FOXP1: variants seen among roughly 807,000 people sequenced by gnomAD.
FOXP1 encodes forkhead box P1, also known as forkhead box protein P1.
In FOXP1, 15 loss-of-function variants were observed where a neutral mutation model predicts 98.2. That is an observed-to-expected ratio of 0.15 (90% confidence interval 0.10 to 0.24). The LOEUF (loss-of-function observed/expected upper bound fraction) is 0.24, where lower values mean the gene tolerates loss of function less well. Ranked by LOEUF, FOXP1 falls within the 10% of genes least tolerant of loss-of-function variation. FOXP1 has a pLI of 1.00. For synonymous variants in FOXP1, 371 were observed against 314.5 expected (o/e 1.18, Z -1.90); for missense variants, 633 against 848.5 (o/e 0.75, Z 3.15).
chr3:71,324,377 C>T (rs1001585406), intron 4 of FOXP1, among the ~76,000 whole-genome samples: 1 of 152,238 alleles, frequency 6.6e-6, no homozygotes, highest in African/African-American at 2.4e-5. Context: ...AAATGCCCAT[C>T]AATGATAGAC....
At chr3:71,066,308 C>T (rs1466818744) in intron 7 of FOXP1, among the ~76,000 whole-genome samples, 2 of 152,124 alleles carry the variant, frequency 1.3e-5, no homozygotes, top group Non-Finnish European at 2.9e-5. Context: ...GAGACAAGCG[C>T]GAAGTGACCA....
At chr3:71,459,164 A>C (rs1042876127) in intron 3 of FOXP1, among the ~76,000 whole-genome samples, 2 of 152,234 alleles carry the variant, frequency 1.3e-5, no homozygotes, top group African/African-American at 4.8e-5. Context: ...TCAAGGTGCT[A>C]GTAGGAATTA....
At chr3:71,327,625 G>C (rs1043441947) in intron 4 of FOXP1, among the ~76,000 whole-genome samples, 1 of 151,778 alleles carries the variant, frequency 6.6e-6, no homozygotes, top group African/African-American at 2.4e-5. Flanking sequence ...CTGACCTCAT[G>C]ATCTGCCCGC....
At chr3:71,218,483 A>G (rs1189323278) in intron 5 of FOXP1, among the ~76,000 whole-genome samples, 10 of 152,072 alleles carry the variant, frequency 6.6e-5, no homozygotes, top group Admixed American at 6.5e-4. Flanking sequence ...ATTCTTTTTA[A>G]TGAGCATCCC....
chr3:71,121,248 C>T (rs1459930016), intron 6 of FOXP1, among the ~76,000 whole-genome samples: 1 of 151,696 alleles, frequency 6.6e-6, no homozygotes, highest in Non-Finnish European at 1.5e-5. Flanking sequence ...CCAATCAAGC[C>T]CAGGAAGGGG....
intron 3 of FOXP1, among the ~76,000 whole-genome samples, chr3:71,477,206 G>C (rs1296966607): frequency 6.6e-6 from 1 of 152,146 alleles, no homozygotes; most frequent in Non-Finnish European, 1.5e-5. Flanking sequence ...CAATGCTGCA[G>C]GCCTCCCAAC....
intron 6 of FOXP1, among the ~76,000 whole-genome samples, chr3:71,123,727 C>T (rs1430272032): frequency 1.3e-5 from 2 of 152,136 alleles, no homozygotes; most frequent in African/African-American, 4.8e-5. Context: ...TTTTAAGCCA[C>T]TGTAGACTCT....
chr3:71,262,988 T>A (rs949171305), intron 5 of FOXP1, among the ~76,000 whole-genome samples: 2 of 152,138 alleles, frequency 1.3e-5, no homozygotes, highest in African/African-American at 4.8e-5. Context: ...AAGTAAAACA[T>A]GCCCAAAGCA....
rs2036049529 is a variant in FOXP1, at chr3:70,970,730, T to TCTTACCTGTAAAGCTG, written c.1712_1722+5dup. On this transcript the variant is annotated splice_donor_region_variant and intron_variant, in intron 19 of 20. Coordinates refer to ENST00000649528, the MANE Select transcript of FOXP1 (RefSeq NM_001349338.3). ...GCTGCATATTCGGGACGGCCGTTAA[T>TCTTACCTGTAAAGCTG]CTTACCTGTAAAGCTGCATTGAGAG... 1 of 1,611,784 alleles carries TCTTACCTGTAAAGCTG rather than the reference T, an allele frequency of 6.2e-7. No individual in the cohort carries two copies. Among genetic ancestry groups the TCTTACCTGTAAAGCTG allele is most frequent in the South Asian group, 1.1e-5 (1 of 91,052 alleles).
chr3:71,214,859 A>C (rs1320967528), intron 5 of FOXP1, among the ~76,000 whole-genome samples: 1 of 152,196 alleles, frequency 6.6e-6, no homozygotes, highest in Non-Finnish European at 1.5e-5. Context: ...AGACTAGTAC[A>C]AGGGATCTGT....
chr3:71,530,582 T>C (rs1040259442), intron 2 of FOXP1, among the ~76,000 whole-genome samples: 4 of 152,216 alleles, frequency 2.6e-5, no homozygotes, highest in Non-Finnish European at 5.9e-5. Flanking sequence ...AGTTTTTCTA[T>C]TGTTCACTCC....
chr3:71,336,065 A>T (rs1235763796), intron 4 of FOXP1, among the ~76,000 whole-genome samples: 3 of 139,624 alleles, frequency 2.1e-5, no homozygotes, highest in African/African-American at 7.7e-5. Flanking sequence ...AGTCTGAAAC[A>T]TTCTGTCATA....
intron 5 of FOXP1, among the ~76,000 whole-genome samples, chr3:71,238,008 G>A (rs1470866847): frequency 6.6e-6 from 1 of 152,124 alleles, no homozygotes; most frequent in Non-Finnish European, 1.5e-5. Context: ...GTTACTTAAG[G>A]CGCACATTTA....
chr3:71,024,485 AAGGG>A (rs1340000631), intron 11 of FOXP1, among the ~76,000 whole-genome samples: 2 of 152,302 alleles, frequency 1.3e-5, no homozygotes, highest in Non-Finnish European at 2.9e-5. Context: ...AAGCCTATTA[AAGGG>A]CCTACCCTAG....
chr3:71,045,835 A>C (rs1331615486), intron 10 of FOXP1, among the ~76,000 whole-genome samples: 4 of 152,218 alleles, frequency 2.6e-5, no homozygotes, highest in South Asian at 2.1e-4. Context: ...GCCATGCTTT[A>C]AGCAACACGA....
At chr3:71,329,562 A>G (rs1180826586) in intron 4 of FOXP1, among the ~76,000 whole-genome samples, 1 of 146,868 alleles carries the variant, frequency 6.8e-6, no homozygotes, top group Non-Finnish European at 1.5e-5. Flanking sequence ...GGGTTGTCCC[A>G]GGGCATCAGA....
rs77628373 is a variant in FOXP1 at position 71,144,452 on chromosome 3, C to T, written c.181-31815G>A. On this transcript the variant is annotated intron_variant, in intron 6 of 20. Transcript: ENST00000649528. ...TGGGTGTTGTTCAGAGGTCCCAGTG[C>T]GTGTGCTAGAGTCTCCACACCTGAG... 8.6e-3 allele frequency among the ~76,000 whole-genome samples: 1,306 copies of T among 152,238 alleles called. 16 individuals carry two copies. Among genetic ancestry groups the T allele is most frequent in the African/African-American group, 0.03 (1,229 of 41,530 alleles).
At chr3:71,364,781 A>G (rs554994218) in intron 3 of FOXP1, among the ~76,000 whole-genome samples, 2 of 152,358 alleles carry the variant, frequency 1.3e-5, no homozygotes, top group Admixed American at 1.3e-4. Context: ...GATGTTCTTC[A>G]TGATTAAAAA....
chr3:71,028,010 T>C (rs2107861423), intron 11 of FOXP1, among the ~76,000 whole-genome samples: 1 of 152,278 alleles, frequency 6.6e-6, no homozygotes. Context: ...ACATTTGATC[T>C]GGGCCTTAAC....
Sources: allele counts gnomAD v4.1 joint callset (sites outside exome capture counted in the v4.1 genomes callset), GRCh38; gene constraint gnomAD v4.1.1; transcripts MANE v1.5; gene names NCBI Gene and HGNC (gene_info 2026-07-23, HGNC 2026-07-21).